PPP3CA: variants seen among roughly 807,000 people sequenced by gnomAD.
PPP3CA encodes the protein CAM-PRP catalytic subunit.
PPP3CA carries 14 observed loss-of-function variants against 66.5 expected under a neutral mutation model. That is an observed-to-expected ratio of 0.21 (90% confidence interval 0.14 to 0.33). PPP3CA has a LOEUF of 0.33. Among genes scored for constraint, PPP3CA ranks in the 10% least tolerant of loss-of-function variants. The pLI is 1.00. For synonymous variants in PPP3CA, 232 were observed against 226.2 expected (o/e 1.03, Z -0.23); for missense variants, 317 against 639.5 (o/e 0.50, Z 5.44).
chr4:101,124,453 G>A (rs893044135), intron 2 of PPP3CA, among the ~76,000 whole-genome samples: 51 of 151,684 alleles, frequency 3.4e-4, no homozygotes, highest in Admixed American at 1.1e-3. Flanking sequence ...GTGAAACTCC[G>A]TCTCTACTAA....
At chr4:101,254,785 A>G (rs1726786474) in intron 1 of PPP3CA, among the ~76,000 whole-genome samples, 2 of 151,804 alleles carry the variant, frequency 1.3e-5, no homozygotes, top group African/African-American at 4.8e-5. Flanking sequence ...TTTTGCTCCT[A>G]TAGTCACTAT....
At chr4:101,301,919 A>T (rs1728390381) in intron 1 of PPP3CA, among the ~76,000 whole-genome samples, 1 of 151,498 alleles carries the variant, frequency 6.6e-6, no homozygotes, top group Admixed American at 6.6e-5. Context: ...AATATTATTT[A>T]TATTTGCTTT....
In PPP3CA at chr4:101,302,183, G is replaced by A. The variant is rs1483663098; in HGVS notation, c.58+44556C>T. Reference sequence around the variant, plus strand: ...AATCTCATTTGTAAATTGGTTTTATGCCAGAAATACTCCCCAGAATGTTGC... The same window carrying A: ...AATCTCATTTGTAAATTGGTTTTATACCAGAAATACTCCCCAGAATGTTGC... On this transcript the variant is annotated intron_variant, in intron 1 of 13. Coordinates refer to ENST00000394854, the MANE Select transcript of PPP3CA (RefSeq NM_000944.5). 2.6e-5 allele frequency among the ~76,000 whole-genome samples: 4 copies of A among 152,232 alleles called. No individual in the cohort carries two copies. The South Asian group carries it at 8.3e-4, about 32-fold the overall frequency.
chr4:101,093,987 A>G, intron 5 of PPP3CA, 72 bp from the exon 6 acceptor site: 1 of 1,451,192 alleles, frequency 6.9e-7, no homozygotes, highest in Non-Finnish European at 9.3e-7. Context: ...TACAAGAAAC[A>G]AGCACTGTGC....
chr4:101,224,919 C>T (rs1357139492), intron 1 of PPP3CA, among the ~76,000 whole-genome samples: 3 of 151,688 alleles, frequency 2.0e-5, no homozygotes, highest in Non-Finnish European at 2.9e-5. Flanking sequence ...CACACAATGC[C>T]TCTTTTGCCC....
At chr4:101,341,539 A>G (rs1190146949) in intron 1 of PPP3CA, among the ~76,000 whole-genome samples, 2 of 152,170 alleles carry the variant, frequency 1.3e-5, no homozygotes, top group East Asian at 3.8e-4. Context: ...GTCATTTCTA[A>G]TTCTGTGTTA....
chr4:101,307,011 T>C (rs970241193), intron 1 of PPP3CA, among the ~76,000 whole-genome samples: 1 of 152,188 alleles, frequency 6.6e-6, no homozygotes, highest in Non-Finnish European at 1.5e-5. Flanking sequence ...ATGCATGCTA[T>C]GTCTCCTCTC....
At chr4:101,244,099 A>G (rs955787406) in intron 1 of PPP3CA, among the ~76,000 whole-genome samples, 1 of 152,170 alleles carries the variant, frequency 6.6e-6, no homozygotes, top group Non-Finnish European at 1.5e-5. Flanking sequence ...TCTTCCAAAT[A>G]TTTGAACCAT....
intron 2 of PPP3CA, among the ~76,000 whole-genome samples, chr4:101,193,462 C>T (rs568947388): frequency 7.2e-5 from 11 of 152,198 alleles, no homozygotes; most frequent in African/African-American, 2.6e-4. Context: ...GTCTAGTCAG[C>T]CATGTTAGCT....
chr4:101,266,408 T>A (rs1221670659), intron 1 of PPP3CA, among the ~76,000 whole-genome samples: 1 of 152,196 alleles, frequency 6.6e-6, no homozygotes, highest in African/African-American at 2.4e-5. Flanking sequence ...AATTTAGATA[T>A]GGCCCTAGCT....
chr4:101,147,728 A>G (rs1217795378), intron 2 of PPP3CA, among the ~76,000 whole-genome samples: 3 of 152,082 alleles, frequency 2.0e-5, no homozygotes, highest in Admixed American at 6.6e-5. Flanking sequence ...ACACACACCC[A>G]TACCCACACA....
In PPP3CA at chr4:101,040,389, A is replaced by G. The variant is rs146120335; in HGVS notation, c.1241+93T>C. 153 of 874,352 alleles carry G rather than the reference A, an allele frequency of 1.7e-4. 3 individuals are homozygous for G. In the East Asian group the frequency reaches 4.7e-3, roughly 27 times the overall value. The allele number at this position is 874,352 out of a possible 1,614,324, so 54.2% of individuals were successfully genotyped here. ...GAAAAAAAGACAAATATTCTCTAGT[A>G]AAATATTTAAATTACCAGATGAAAG... is the stretch of plus-strand genomic sequence containing the variant. On this transcript the variant is annotated intron_variant, in intron 11 of 13. Transcript: ENST00000394854.
At chr4:101,326,115 G>A (rs6532925) in intron 1 of PPP3CA, among the ~76,000 whole-genome samples, 16,165 of 152,114 alleles carry the variant, frequency 0.11, 2,920 homozygotes, top group African/African-American at 0.37. Context: ...CAGCATGGGC[G>A]ACAGAGTGAG....
intron 1 of PPP3CA, among the ~76,000 whole-genome samples, chr4:101,204,264 C>T (rs2110198634): frequency 6.6e-6 from 1 of 152,310 alleles, no homozygotes; most frequent in Middle Eastern, 3.4e-3. Context: ...GCCTTAGCCT[C>T]CCAAAGTGCT....
chr4:101,037,090 C>T (rs897822734), intron 11 of PPP3CA, among the ~76,000 whole-genome samples: 2 of 152,152 alleles, frequency 1.3e-5, no homozygotes, highest in Non-Finnish European at 2.9e-5. Context: ...GGTAACAGTA[C>T]TTGTTCATAC....
At chr4:101,210,269 G>T (rs1725260226) in intron 1 of PPP3CA, among the ~76,000 whole-genome samples, 1 of 152,020 alleles carries the variant, frequency 6.6e-6, no homozygotes, top group Non-Finnish European at 1.5e-5. Context: ...CTATGGTCCG[G>T]CTATAATCAA....
intron 2 of PPP3CA, among the ~76,000 whole-genome samples, chr4:101,122,476 C>T (rs1408019514): frequency 6.6e-6 from 1 of 152,084 alleles, no homozygotes; most frequent in Non-Finnish European, 1.5e-5. Flanking sequence ...CTGCTGCTTA[C>T]AAAAGGCTTT....
intron 1 of PPP3CA, among the ~76,000 whole-genome samples, chr4:101,218,615 CAATT>C (rs1243076046): frequency 6.6e-6 from 1 of 151,700 alleles, no homozygotes; most frequent in Non-Finnish European, 1.5e-5. Context: ...TTTCCAGAAA[CAATT>C]CATTTAGAAA....
intron 1 of PPP3CA, among the ~76,000 whole-genome samples, chr4:101,299,119 T>G (rs546458722): frequency 2.9e-3 from 417 of 145,402 alleles, no homozygotes; most frequent in Middle Eastern, 7.0e-3. Context: ...TTTTTTTTTT[T>G]TTTTTTTTTT....
Sources: allele counts gnomAD v4.1 joint callset (sites outside exome capture counted in the v4.1 genomes callset), GRCh38; gene constraint gnomAD v4.1.1; transcripts MANE v1.5; gene names NCBI Gene and HGNC (gene_info 2026-07-23, HGNC 2026-07-21).